MACROD2: variants seen among roughly 807,000 people sequenced by gnomAD.
MACROD2 encodes mono-ADP ribosylhydrolase 2.
MACROD2 carries 36 observed loss-of-function variants against 70.4 expected under a neutral mutation model. The ratio of observed to expected loss-of-function variants is 0.51; its 90% CI spans 0.39 to 0.68. The LOEUF is 0.68. Among genes scored for constraint, MACROD2 ranks in the 30% least tolerant of loss-of-function variants. MACROD2 has a pLI of 0.00. For missense variants in MACROD2, 496 were observed against 538.4 expected, an observed-to-expected ratio of 0.92 and a Z score of 0.78; for synonymous variants, 172 against 178.8, an observed-to-expected ratio of 0.96 and a Z score of 0.30.
intron 6 of MACROD2, among the ~76,000 whole-genome samples, chr20:15,320,439 A>C (rs2077862384): frequency 6.6e-6 from 1 of 152,190 alleles, no homozygotes; most frequent in Non-Finnish European, 1.5e-5. Flanking sequence ...AAAAGTAAAC[A>C]CAATACATGT....
chr20:15,270,700 C>T (rs1295678240), intron 6 of MACROD2, among the ~76,000 whole-genome samples: 1 of 152,174 alleles, frequency 6.6e-6, no homozygotes, highest in Non-Finnish European at 1.5e-5. Context: ...GTCATCAGTT[C>T]TGTCTTTGGT....
At chr20:15,802,666 G>A (rs1390234182) in intron 8 of MACROD2, among the ~76,000 whole-genome samples, 1 of 151,982 alleles carries the variant, frequency 6.6e-6, no homozygotes, top group African/African-American at 2.4e-5. Context: ...AATAGTAAAG[G>A]TCCGAGCACA....
At chr20:14,728,221 C>G (rs2123697352) in intron 5 of MACROD2, among the ~76,000 whole-genome samples, 1 of 152,194 alleles carries the variant, frequency 6.6e-6, no homozygotes, top group Non-Finnish European at 1.5e-5. Flanking sequence ...CCCTGTAATA[C>G]TAATCACTTA....
At chr20:14,518,679 G>T (rs912048520) in intron 4 of MACROD2, among the ~76,000 whole-genome samples, 1 of 152,128 alleles carries the variant, frequency 6.6e-6, no homozygotes, top group Non-Finnish European at 1.5e-5. Context: ...GAATCAGAGA[G>T]AGAAAAAGTC....
At position 16,012,920 on chromosome 20, in the gene MACROD2, G is replaced by C. The variant is rs563527618; in HGVS notation, c.1153+25762G>C. Among the ~76,000 whole-genome samples the C allele has an allele frequency of 1.6e-4, 24 of 152,296 alleles. No individual in the cohort carries two copies. In the South Asian group the frequency reaches 5.0e-3, roughly 32 times the overall value. On this transcript the variant is annotated intron_variant, in intron 15 of 17. Transcript: ENST00000684519. Reference sequence around the variant, plus strand: ...AAGTTGGCTGGGCGCAGTGACTCACGCCTGTAATCCCAGCACTTTGGGAGG... The same window carrying C: ...AAGTTGGCTGGGCGCAGTGACTCACCCCTGTAATCCCAGCACTTTGGGAGG...
At chr20:16,035,125 AATATTAT>A (rs1223063444) in intron 15 of MACROD2, among the ~76,000 whole-genome samples, 1,597 of 19,504 alleles carry the variant, frequency 0.082, 114 homozygotes, top group East Asian at 0.32. Context: ...TATAATATAA[AATATTAT>A]ATATTATATA....
At chr20:15,678,525 A>G (rs530848633) in intron 8 of MACROD2, among the ~76,000 whole-genome samples, 3 of 152,064 alleles carry the variant, frequency 2.0e-5, no homozygotes, top group South Asian at 2.1e-4. Flanking sequence ...ATGCCTGGCT[A>G]ATTTTTTGTA....
intron 2 of MACROD2, among the ~76,000 whole-genome samples, chr20:14,072,350 CTT>C (rs376626769): frequency 1.8e-4 from 28 of 152,154 alleles, no homozygotes; most frequent in African/African-American, 6.3e-4. Context: ...CAGATGGACT[CTT>C]TGAACTAAAA....
chr20:14,416,244 A>G (rs1486443986), intron 3 of MACROD2, among the ~76,000 whole-genome samples: 1 of 152,156 alleles, frequency 6.6e-6, no homozygotes, highest in African/African-American at 2.4e-5. Context: ...GGCGTGAGCC[A>G]CCGCACCCAT....
In MACROD2 at chr20:14,812,888, A is replaced by G. The variant is rs973111686; in HGVS notation, c.418+127929A>G. Among the ~76,000 whole-genome samples the G allele has an allele frequency of 3.3e-5, 5 of 151,978 alleles. 1 individual carries two copies. Among genetic ancestry groups the G allele is most frequent in the African/African-American group, 1.2e-4 (5 of 41,400 alleles). ...TCCCACAAGACTGCCTCCCACTTCA[A>G]ATGCCAGTAGCAAGCCCCAGGTTAT... On this transcript the variant is annotated intron_variant, in intron 5 of 17. Transcript: ENST00000684519.
chr20:15,939,300 G>A (rs540203569), intron 12 of MACROD2, among the ~76,000 whole-genome samples: 1 of 152,130 alleles, frequency 6.6e-6, no homozygotes, highest in Non-Finnish European at 1.5e-5. Context: ...GGCTTCAAAG[G>A]ACAGGCTGGC....
intron 3 of MACROD2, among the ~76,000 whole-genome samples, chr20:14,364,432 T>A (rs993432054): frequency 6.6e-6 from 1 of 152,238 alleles, no homozygotes; most frequent in African/African-American, 2.4e-5. Flanking sequence ...GTTGTATAAT[T>A]TAAAAATTAT....
chr20:15,137,530 A>C (rs1212880972), intron 5 of MACROD2, among the ~76,000 whole-genome samples: 1 of 127,598 alleles, frequency 7.8e-6, no homozygotes, highest in Non-Finnish European at 1.6e-5. Context: ...GGACACAGGA[A>C]AGGGAACATC....
intron 8 of MACROD2, among the ~76,000 whole-genome samples, chr20:15,754,683 CTTTTT>C (rs536927554): frequency 7.5e-6 from 1 of 132,764 alleles, no homozygotes; most frequent in East Asian, 2.2e-4. Context: ...TCTATTCAAT[CTTTTT>C]TTTTTTTTTT....
chr20:14,385,689 C>T (rs569749570), intron 3 of MACROD2, among the ~76,000 whole-genome samples: 2 of 152,204 alleles, frequency 1.3e-5, no homozygotes, highest in Admixed American at 1.3e-4. Context: ...CCATGTTGAC[C>T]TCTTGCTGGG....
chr20:15,702,182 G>A (rs987117086), intron 8 of MACROD2, among the ~76,000 whole-genome samples: 5 of 152,158 alleles, frequency 3.3e-5, no homozygotes, highest in African/African-American at 9.7e-5. Context: ...TATCTACCCC[G>A]TAATGGGATT....
intron 3 of MACROD2, among the ~76,000 whole-genome samples, chr20:14,262,889 G>C (rs1196120880): frequency 6.6e-6 from 1 of 152,138 alleles, no homozygotes; most frequent in Non-Finnish European, 1.5e-5. Flanking sequence ...GTGGATTGAA[G>C]AGTAAAGAGA....
intron 5 of MACROD2, among the ~76,000 whole-genome samples, chr20:14,744,680 A>G (rs942554193): frequency 3.9e-5 from 6 of 152,196 alleles, no homozygotes; most frequent in African/African-American, 1.4e-4. Context: ...AAATGGCTCA[A>G]GCAAAGGCTT....
At chr20:15,618,805 A>C (rs2049080081) in intron 8 of MACROD2, among the ~76,000 whole-genome samples, 2 of 152,214 alleles carry the variant, frequency 1.3e-5, no homozygotes. Context: ...TTATCAAGAC[A>C]GGGGACTTGC....
Sources: allele counts gnomAD v4.1 joint callset (sites outside exome capture counted in the v4.1 genomes callset), GRCh38; gene constraint gnomAD v4.1.1; transcripts MANE v1.5; gene names NCBI Gene and HGNC (gene_info 2026-07-23, HGNC 2026-07-21).